Variants in RAB8B observed in about 807,000 individuals in gnomAD.
The protein encoded by RAB8B is ras-related protein Rab-8B.
A neutral mutation model predicts 32.0 loss-of-function variants in RAB8B; 11 were observed. The observed-to-expected ratio is 0.34, with a 90% CI of 0.22 to 0.57. RAB8B has a LOEUF of 0.57. RAB8B is among the 20% of genes least tolerant of loss of function. RAB8B has a pLI of 0.86. For missense variants in RAB8B, 190 were observed against 258.5 expected (o/e 0.73, Z 1.82); for synonymous variants, 103 against 89.6 (o/e 1.15, Z -0.85).
chr15:63,234,058 G>GT (rs1185787206), intron 1 of RAB8B, among the ~76,000 whole-genome samples: 1 of 152,072 alleles, frequency 6.6e-6, no homozygotes. Context: ...GAAAACCTTA[G>GT]TTGAAGGTCC....
chr15:63,218,600 G>T (rs1240182718), intron 1 of RAB8B, among the ~76,000 whole-genome samples: 1 of 152,166 alleles, frequency 6.6e-6, no homozygotes, highest in Non-Finnish European at 1.5e-5. Flanking sequence ...CATTTAAAGG[G>T]CATAGTCCCA....
chr15:63,196,511 T>C (rs756913416), intron 1 of RAB8B, among the ~76,000 whole-genome samples: 2 of 152,226 alleles, frequency 1.3e-5, no homozygotes, highest in Non-Finnish European at 2.9e-5. Flanking sequence ...AAGAATACTG[T>C]GTCTACCTTT....
At chr15:63,209,579 C>T (rs748703288) in intron 1 of RAB8B, among the ~76,000 whole-genome samples, 2 of 150,710 alleles carry the variant, frequency 1.3e-5, no homozygotes, top group East Asian at 1.9e-4. Flanking sequence ...AGACAAAAAG[C>T]GAAAAAATAA....
chr15:63,247,546 G>A (rs989746458), intron 2 of RAB8B, among the ~76,000 whole-genome samples: 3 of 152,120 alleles, frequency 2.0e-5, no homozygotes, highest in African/African-American at 7.2e-5. Context: ...TTTCAGTTCA[G>A]TGCCTTGCAT....
intron 2 of RAB8B, among the ~76,000 whole-genome samples, chr15:63,247,318 A>G (rs774548521): frequency 6.6e-6 from 1 of 152,254 alleles, no homozygotes; most frequent in Non-Finnish European, 1.5e-5. Flanking sequence ...GGAGGAACAC[A>G]AACTATTAGT....
chr15:63,255,466 A>G (rs2038151597), intron 3 of RAB8B, 41 bp from the exon 4 acceptor site: 1 of 1,324,428 alleles, frequency 7.6e-7, no homozygotes, highest in Non-Finnish European at 1.1e-6. Flanking sequence ...ATAACTTTAA[A>G]TATATAAAGT....
chr15:63,198,136 T>A (rs2037618803), intron 1 of RAB8B, among the ~76,000 whole-genome samples: 1 of 152,154 alleles, frequency 6.6e-6, no homozygotes, highest in African/African-American at 2.4e-5. Flanking sequence ...GAAATAAATC[T>A]GCTTTTCAAA....
At chr15:63,251,367 G>GAC (rs940028748) in intron 3 of RAB8B, 3 of 454,344 alleles carry the variant, frequency 6.6e-6, no homozygotes, top group Middle Eastern at 3.3e-4. Context: ...AGGCATCTTA[G>GAC]ACACACATGC....
At chr15:63,199,351 A>C (rs2037628743) in intron 1 of RAB8B, among the ~76,000 whole-genome samples, 1 of 152,208 alleles carries the variant, frequency 6.6e-6, no homozygotes, top group Non-Finnish European at 1.5e-5. Flanking sequence ...TTTCTCTTAC[A>C]TTGTTTAGAA....
chr15:63,193,589 A>G (rs1215018594), intron 1 of RAB8B, among the ~76,000 whole-genome samples: 1 of 152,166 alleles, frequency 6.6e-6, no homozygotes, highest in Non-Finnish European at 1.5e-5. Context: ...AGGCAGGCGG[A>G]TCACAAGGTC....
intron 1 of RAB8B, among the ~76,000 whole-genome samples, chr15:63,230,515 T>A (rs1157778599): frequency 6.6e-6 from 1 of 152,148 alleles, no homozygotes; most frequent in Non-Finnish European, 1.5e-5. Context: ...TTGGCCAAGC[T>A]GTTTTCGAAC....
At chr15:63,261,786 A>G (rs1318126358) in intron 6 of RAB8B, among the ~76,000 whole-genome samples, 1 of 152,206 alleles carries the variant, frequency 6.6e-6, no homozygotes, top group Non-Finnish European at 1.5e-5. Context: ...AGTGTTGGGA[A>G]CAAAGAGGTT....
At chr15:63,256,681 T>TAAAA in intron 5 of RAB8B, 87 bp downstream of exon 5, 1 of 1,019,376 alleles carries the variant, frequency 9.8e-7, no homozygotes, top group Non-Finnish European at 1.4e-6. Context: ...TGATTTTTTT[T>TAAAA]AAAATCTGTG....
intron 1 of RAB8B, among the ~76,000 whole-genome samples, chr15:63,201,137 C>A (rs2037645395): frequency 6.6e-6 from 1 of 152,156 alleles, no homozygotes; most frequent in Non-Finnish European, 1.5e-5. Flanking sequence ...AGGTCATTAT[C>A]ACTTTCACTA....
rs2038229378 is a variant in RAB8B at position 63,264,421 on chromosome 15, T to G, written c.*802T>G. 1 of 152,226 alleles carries G rather than the reference T, an allele frequency of 6.6e-6. No homozygotes were observed. Among genetic ancestry groups the G allele is most frequent in the Admixed American group, 6.5e-5 (1 of 15,284 alleles). The allele number at this position is 152,226 out of a possible 1,614,324, so 9.4% of individuals were successfully genotyped here. On this transcript the variant is annotated 3_prime_UTR_variant, in exon 8 of 8. Transcript: ENST00000321437. ...TAATATTTGAACATTATTATCTGTT[T>G]CTATTTGTGAACTTCTTGAGCTGAA...
At chr15:63,255,787 G>C (rs1422062124) in intron 4 of RAB8B, among the ~76,000 whole-genome samples, 2 of 152,238 alleles carry the variant, frequency 1.3e-5, no homozygotes, top group Non-Finnish European at 2.9e-5. Context: ...AACGTCACAA[G>C]ATTTTAAGCT....
chr15:63,212,901 C>T (rs779035091), intron 1 of RAB8B, among the ~76,000 whole-genome samples: 1 of 152,140 alleles, frequency 6.6e-6, no homozygotes, highest in Non-Finnish European at 1.5e-5. Context: ...TATAATTTTG[C>T]CTTGCTTGCA....
chr15:63,241,297 C>G (rs2038029804), intron 1 of RAB8B, among the ~76,000 whole-genome samples: 1 of 152,150 alleles, frequency 6.6e-6, no homozygotes, highest in East Asian at 1.9e-4. Context: ...TGCGGTGAGC[C>G]AAGATCGCGC....
rs144990596 is a variant in RAB8B, at chr15:63,209,167, C to A, written c.124+19419C>A. ...CGGCCTCCCAAAGTGCTGGGACCCA[C>A]GATGAATTCCTTTAGGACAGAAACA... On this transcript the variant is annotated intron_variant, in intron 1 of 7. Coordinates refer to ENST00000321437, the MANE Select transcript of RAB8B (RefSeq NM_016530.3). 2.6e-3 allele frequency among the ~76,000 whole-genome samples: 395 copies of A among 151,888 alleles called. 3 individuals carry two copies. Among genetic ancestry groups the A allele is most frequent in the African/African-American group, 7.8e-3 (325 of 41,438 alleles).
Sources: allele counts gnomAD v4.1 joint callset (sites outside exome capture counted in the v4.1 genomes callset), GRCh38; gene constraint gnomAD v4.1.1; transcripts MANE v1.5; gene names NCBI Gene and HGNC (gene_info 2026-07-23, HGNC 2026-07-21).